TNR: variants seen among roughly 807,000 people sequenced by gnomAD.
The protein encoded by TNR is tenascin-R.
In TNR, 45 loss-of-function variants were observed where a neutral mutation model predicts 150.4. That is an observed-to-expected ratio of 0.30 (90% CI 0.24 to 0.38). TNR has a LOEUF of 0.38. Among genes scored for constraint, TNR ranks in the 10% least tolerant of loss-of-function variants. TNR has a pLI of 1.00. For synonymous variants in TNR, 687 were observed against 678.4 expected, an observed-to-expected ratio of 1.01 and a Z score of -0.20; for missense variants, 1,544 against 1,759.1, an observed-to-expected ratio of 0.88 and a Z score of 2.19.
At chr1:175,385,028 T>A (rs1454062218) in intron 8 of TNR, among the ~76,000 whole-genome samples, 1 of 152,232 alleles carries the variant, frequency 6.6e-6, no homozygotes, top group East Asian at 1.9e-4. Flanking sequence ...CTTGAATTAG[T>A]GATTCTCCAA....
intron 1 of TNR, among the ~76,000 whole-genome samples, chr1:175,588,181 C>A (rs184878052): frequency 1.1e-4 from 17 of 152,264 alleles, no homozygotes; most frequent in African/African-American, 3.6e-4. Flanking sequence ...ATTCCATAAC[C>A]GCTTAATGGC....
intron 2 of TNR, among the ~76,000 whole-genome samples, chr1:175,418,672 C>G (rs546421868): frequency 6.6e-6 from 1 of 150,626 alleles, no homozygotes; most frequent in East Asian, 1.9e-4. Flanking sequence ...TGCAGTGAGC[C>G]GAGATTGTGC....
chr1:175,318,408 G>T lies in TNR; in HGVS notation c.*4949C>A, dbSNP rs1648901846. 1 of 152,156 alleles carries T rather than the reference G, an allele frequency of 6.6e-6. No individual in the cohort carries two copies. The highest frequency in any genetic ancestry group is 6.5e-5 in the Admixed American group (1 of 15,286). The allele number at this position is 152,156 out of a possible 1,614,324, so 9.4% of individuals were successfully genotyped here. A position where few individuals can be genotyped will look rare whatever the true frequency, so the allele number is the denominator to read the frequency against. The stretch of plus-strand genomic sequence containing the variant: ...GAACTGGCATAAACAAATCCAGAGT[G>T]GATACAATTAGAAAGAACCAGAGAC... On this transcript the variant is annotated 3_prime_UTR_variant, in exon 23 of 23. Coordinates refer to ENST00000367674, the MANE Select transcript of TNR (RefSeq NM_003285.3).
intron 2 of TNR, among the ~76,000 whole-genome samples, chr1:175,486,473 G>T (rs1051397538): frequency 6.6e-6 from 1 of 152,128 alleles, no homozygotes; most frequent in East Asian, 1.9e-4. Context: ...TTTTATGGCT[G>T]CATAGTATTC....
chr1:175,516,987 A>G (rs1659431665), intron 2 of TNR, among the ~76,000 whole-genome samples: 1 of 149,466 alleles, frequency 6.7e-6, no homozygotes, highest in Admixed American at 6.7e-5. Context: ...AGAATTCTGA[A>G]GCACAAATTA....
chr1:175,615,394 C>A (rs1663737618), intron 1 of TNR, among the ~76,000 whole-genome samples: 1 of 152,132 alleles, frequency 6.6e-6, no homozygotes, highest in Non-Finnish European at 1.5e-5. Context: ...GGATTTTAAA[C>A]ATGTATTGGG....
chr1:175,631,499 C>T (rs1664326133), intron 1 of TNR, among the ~76,000 whole-genome samples: 1 of 151,950 alleles, frequency 6.6e-6, no homozygotes, highest in African/African-American at 2.4e-5. Flanking sequence ...TTTTTTTTAG[C>T]TCACCAGCTG....
intron 2 of TNR, among the ~76,000 whole-genome samples, chr1:175,407,206 A>G (rs1002409635): frequency 6.6e-6 from 1 of 151,894 alleles, no homozygotes; most frequent in Admixed American, 6.6e-5. Flanking sequence ...TTGCAAAGGG[A>G]CTCTGCCAGC....
chr1:175,493,085 A>G lies in TNR; in HGVS notation c.-64+35184T>C, dbSNP rs60334696. Among the ~76,000 whole-genome samples the G allele has an allele frequency of 2.1e-3, 315 of 152,164 alleles. 3 individuals are homozygous for G. Among genetic ancestry groups the G allele is most frequent in the African/African-American group, 7.2e-3 (298 of 41,478 alleles). ...CATTATTCTCTGCTGTACCCGTCAG[A>G]AGGCAGGTGTCATTTCCTCATGCAC... On this transcript the variant is annotated intron_variant, in intron 2 of 22. Transcript: ENST00000367674.
intron 5 of TNR, 24 bp downstream of exon 5, chr1:175,396,520 G>A (rs780648115): frequency 1.2e-6 from 2 of 1,601,174 alleles, no homozygotes; most frequent in Non-Finnish European, 1.7e-6. Context: ...GAAAAATGAA[G>A]CAGGACGGGG....
chr1:175,340,523 T>G (rs540618800), intron 18 of TNR, among the ~76,000 whole-genome samples: 1 of 152,160 alleles, frequency 6.6e-6, no homozygotes, highest in African/African-American at 2.4e-5. Context: ...ATATTATTCC[T>G]TTTTTTGCAG....
intron 2 of TNR, among the ~76,000 whole-genome samples, chr1:175,453,975 A>T (rs750714658): frequency 1.3e-5 from 2 of 151,940 alleles, no homozygotes; most frequent in African/African-American, 2.4e-5. Flanking sequence ...GACAGGGTGA[A>T]TTTTTTCCAG....
At chr1:175,670,382 A>T (rs1665661420) in intron 1 of TNR, among the ~76,000 whole-genome samples, 1 of 152,174 alleles carries the variant, frequency 6.6e-6, no homozygotes, top group Non-Finnish European at 1.5e-5. Flanking sequence ...CCCTCAGAAG[A>T]GGGTAAAAAA....
intron 1 of TNR, among the ~76,000 whole-genome samples, chr1:175,644,460 T>C (rs1203317886): frequency 6.6e-6 from 1 of 152,214 alleles, no homozygotes; most frequent in Non-Finnish European, 1.5e-5. Context: ...AGTTGGAAGA[T>C]GAAGAAAAAC....
chr1:175,623,130 C>T lies in TNR; in HGVS notation c.-164-94761G>A, dbSNP rs1168771098. On this transcript the variant is annotated intron_variant, in intron 1 of 22. Coordinates refer to ENST00000367674, the MANE Select transcript of TNR (RefSeq NM_003285.3). ...TCTTCAACTTGTCTCTCATGGGATC[C>T]GAAAGTACTATTGGCTTACCTTTCT... 6.6e-5 allele frequency among the ~76,000 whole-genome samples: 10 copies of T among 152,210 alleles called. No homozygotes were observed. In the East Asian group the frequency reaches 1.4e-3, roughly 21 times the overall value.
At chr1:175,602,714 A>G (rs968260696) in intron 1 of TNR, among the ~76,000 whole-genome samples, 5 of 152,226 alleles carry the variant, frequency 3.3e-5, no homozygotes, top group Admixed American at 6.5e-5. Context: ...TCCAAGAAAG[A>G]AATCTCTATC....
intron 1 of TNR, among the ~76,000 whole-genome samples, chr1:175,675,235 A>AACGGGCTTTGTGGATCCTCT (rs1665824410): frequency 6.6e-6 from 1 of 152,206 alleles, no homozygotes; most frequent in Non-Finnish European, 1.5e-5. Flanking sequence ...TGCCTGAATG[A>AACGGGCTTTGTGGATCCTCT]ACGGGCTTTG....
intron 1 of TNR, among the ~76,000 whole-genome samples, chr1:175,714,746 C>A (rs896320671): frequency 1.3e-5 from 2 of 152,218 alleles, no homozygotes; most frequent in African/African-American, 4.8e-5. Flanking sequence ...ACTGTAATTA[C>A]TCTGCCTGAG....
At chr1:175,475,263 C>G (rs776858712) in intron 2 of TNR, among the ~76,000 whole-genome samples, 1 of 152,192 alleles carries the variant, frequency 6.6e-6, no homozygotes, top group Non-Finnish European at 1.5e-5. Context: ...GTCATCTCCC[C>G]ATTCTCTTAC....
Sources: allele counts gnomAD v4.1 joint callset (sites outside exome capture counted in the v4.1 genomes callset), GRCh38; gene constraint gnomAD v4.1.1; transcripts MANE v1.5; gene names NCBI Gene and HGNC (gene_info 2026-07-23, HGNC 2026-07-21).